Variants in SHLD1 observed in about 807,000 individuals in gnomAD.
SHLD1 encodes the protein RINN1-REV7-interacting novel NHEJ regulator 3.
SHLD1 carries 3 observed loss-of-function variants against 5.5 expected under a neutral mutation model. The observed-to-expected ratio is 0.54, with a 90% confidence interval of 0.25 to 1.40. SHLD1 has a LOEUF of 1.40. Ranked by LOEUF, SHLD1 falls within the 40% of genes most tolerant of loss-of-function variation. SHLD1 has a pLI of 0.15. For missense variants in SHLD1, 210 were observed against 244.4 expected, an observed-to-expected ratio of 0.86 and a Z score of 0.94; for synonymous variants, 92 against 94.3, an observed-to-expected ratio of 0.98 and a Z score of 0.14.
At chr20:5,771,604 C>A (rs1425757124) in intron 1 of SHLD1, among the ~76,000 whole-genome samples, 1 of 151,794 alleles carries the variant, frequency 6.6e-6, no homozygotes, top group Non-Finnish European at 1.5e-5. Flanking sequence ...TGTACTGTGG[C>A]CATAACTCCA....
intron 2 of SHLD1, among the ~76,000 whole-genome samples, chr20:5,840,758 TG>T (rs1333814395): frequency 6.6e-6 from 1 of 152,256 alleles, no homozygotes; most frequent in East Asian, 1.9e-4. Context: ...GTCAACTATG[TG>T]TTCCTTAATA....
intron 2 of SHLD1, among the ~76,000 whole-genome samples, chr20:5,844,802 T>A (rs1328687957): frequency 7.3e-5 from 10 of 136,976 alleles, no homozygotes; most frequent in Non-Finnish European, 1.4e-4. Flanking sequence ...TATATATATT[T>A]TTTTTTTTTT....
chr20:5,819,255 G>A (rs2087577545), intron 2 of SHLD1, among the ~76,000 whole-genome samples: 1 of 152,062 alleles, frequency 6.6e-6, no homozygotes, highest in African/African-American at 2.4e-5. Flanking sequence ...GGTTCATCTG[G>A]GCATGCTCAG....
intron 2 of SHLD1, among the ~76,000 whole-genome samples, chr20:5,816,996 G>C (rs2087538663): frequency 6.6e-6 from 1 of 152,154 alleles, no homozygotes; most frequent in African/African-American, 2.4e-5. Flanking sequence ...TTGAGCTCAG[G>C]TGATGGAGGC....
At chr20:5,831,727 A>ATCTC (rs368300547) in intron 2 of SHLD1, among the ~76,000 whole-genome samples, 8 of 149,800 alleles carry the variant, frequency 5.3e-5, no homozygotes, top group Admixed American at 2.7e-4. Context: ...AATCCCTTTG[A>ATCTC]TCTCTCTCTC....
intron 1 of SHLD1, among the ~76,000 whole-genome samples, chr20:5,752,015 A>G (rs1227452560): frequency 6.6e-6 from 1 of 152,186 alleles, no homozygotes; most frequent in Non-Finnish European, 1.5e-5. Context: ...TGCTTGAACT[A>G]AGATAAGGGA....
chr20:5,833,466 G>A (rs190116216), intron 2 of SHLD1, among the ~76,000 whole-genome samples: 1 of 152,230 alleles, frequency 6.6e-6, no homozygotes, highest in Admixed American at 6.5e-5. Flanking sequence ...ACCTTAATGG[G>A]TACATTGTTT....
At chr20:5,859,006 T>C (rs187864245) in intron 2 of SHLD1, among the ~76,000 whole-genome samples, 3 of 152,174 alleles carry the variant, frequency 2.0e-5, no homozygotes, top group Non-Finnish European at 4.4e-5. Flanking sequence ...AAAAGGCAAG[T>C]TCCATTCAAT....
intron 2 of SHLD1, among the ~76,000 whole-genome samples, chr20:5,848,954 G>A (rs1441119796): frequency 1.3e-5 from 2 of 152,222 alleles, no homozygotes; most frequent in African/African-American, 4.8e-5. Flanking sequence ...TACAGAGACT[G>A]TGGTTTCAAA....
At chr20:5,820,675 A>G (rs192573205) in intron 2 of SHLD1, among the ~76,000 whole-genome samples, 1 of 152,362 alleles carries the variant, frequency 6.6e-6, no homozygotes, top group African/African-American at 2.4e-5. Flanking sequence ...AAGAAGGGAA[A>G]ATATTATTTC....
At chr20:5,822,986 T>G in intron 2 of SHLD1, among the ~76,000 whole-genome samples, 1 of 151,244 alleles carries the variant, frequency 6.6e-6, no homozygotes, top group Non-Finnish European at 1.5e-5. Context: ...CACTTTTGCC[T>G]TCCCTCCCCC....
At chr20:5,840,603 G>C (rs1010423767) in intron 2 of SHLD1, among the ~76,000 whole-genome samples, 1 of 152,186 alleles carries the variant, frequency 6.6e-6, no homozygotes, top group Non-Finnish European at 1.5e-5. Context: ...AGCAACATCT[G>C]AACCGGCAGC....
At position 5,863,566 on chromosome 20, in the gene SHLD1, G is replaced by A; in HGVS notation, c.*103G>A. 2 of 1,178,276 alleles carry A rather than the reference G, an allele frequency of 1.7e-6. No homozygotes were observed. Among genetic ancestry groups the A allele is most frequent in the Non-Finnish European group, 1.2e-6 (1 of 835,982 alleles). 73.0% of individuals were successfully genotyped at this position (1,178,276 alleles called of 1,614,324 possible). ...CTAGGGTCTCTGGCCAGCTCTGTGT[G>A]CCCAATCCCAATTAAGTGCTTTGAG... On this transcript the variant is annotated 3_prime_UTR_variant, in exon 3 of 3. Coordinates refer to ENST00000303142, the MANE Select transcript of SHLD1 (RefSeq NM_152504.4).
At chr20:5,800,465 G>A (rs1343630755) in intron 2 of SHLD1, among the ~76,000 whole-genome samples, 1 of 152,164 alleles carries the variant, frequency 6.6e-6, no homozygotes, top group Admixed American at 6.5e-5. Context: ...AGGCCAAGGT[G>A]GGTGGATCAC....
intron 2 of SHLD1, among the ~76,000 whole-genome samples, chr20:5,790,950 G>T (rs561221575): frequency 2.3e-4 from 35 of 151,780 alleles, no homozygotes; most frequent in African/African-American, 6.8e-4. Context: ...ATCACTTGAG[G>T]CCAGGAGTTT....
chr20:5,812,202 A>G (rs929813801), intron 2 of SHLD1, among the ~76,000 whole-genome samples: 9 of 151,856 alleles, frequency 5.9e-5, no homozygotes, highest in African/African-American at 2.2e-4. Flanking sequence ...AGGATATTTT[A>G]ACATTCAAAA....
chr20:5,756,685 CTTTCTTT>C (rs1984124697), intron 1 of SHLD1: 66 of 147,452 alleles, frequency 4.5e-4, no homozygotes, highest in South Asian at 1.6e-3. Context: ...TTCTTTCTTT[CTTTCTTT>C]TTTTTTTTTT....
At position 5,771,937 on chromosome 20, in the gene SHLD1, C is replaced by T. The variant is rs142583208; in HGVS notation, c.-4-925C>T. On this transcript the variant is annotated intron_variant, in intron 1 of 2. Coordinates refer to ENST00000303142, the MANE Select transcript of SHLD1 (RefSeq NM_152504.4). ...TTGCCCAGGCTGGAGTGCAATAGCACGGTCTCCGCTCACTGCAACCTCCGC... is the reference window on the plus strand; with the variant it reads ...TTGCCCAGGCTGGAGTGCAATAGCATGGTCTCCGCTCACTGCAACCTCCGC... The T allele has an allele frequency of 3.9e-3, 1,414 of 364,484 alleles. 2 individuals are homozygous for T. The highest frequency in any genetic ancestry group is 5.7e-3 in the Non-Finnish European group (1,070 of 187,698). The allele number at this position is 364,484 out of a possible 1,614,324, so 22.6% of individuals were successfully genotyped here. A position where few individuals can be genotyped will look rare whatever the true frequency, so the allele number is the denominator to read the frequency against.
At chr20:5,798,198 C>G (rs1390998076) in intron 2 of SHLD1, among the ~76,000 whole-genome samples, 2 of 152,190 alleles carry the variant, frequency 1.3e-5, no homozygotes, top group East Asian at 3.8e-4. Context: ...CACCTGTGGT[C>G]TCTCCATGCC....
Sources: allele counts gnomAD v4.1 joint callset (sites outside exome capture counted in the v4.1 genomes callset), GRCh38; gene constraint gnomAD v4.1.1; transcripts MANE v1.5; gene names NCBI Gene and HGNC (gene_info 2026-07-23, HGNC 2026-07-21).